The following CD109 variants were observed in gnomAD, a reference collection of about 807,000 sequenced individuals.
The protein encoded by CD109 is CD109 antigen.
CD109 carries 149 observed loss-of-function variants against 165.8 expected under a neutral mutation model. The observed-to-expected ratio is 0.90, with a 90% CI of 0.79 to 1.03. The LOEUF is 1.03. CD109 is among the 50% of genes least tolerant of loss of function. The pLI, the probability that CD109 is intolerant of heterozygous loss-of-function variation, is 0.00. For synonymous variants in CD109, 585 were observed against 592.1 expected, an observed-to-expected ratio of 0.99 and a Z score of 0.18; for missense variants, 1,712 against 1,677.8, an observed-to-expected ratio of 1.02 and a Z score of -0.36.
chr6:73,782,774 C>A lies in CD109; in HGVS notation c.2105+19C>A. 6.2e-7 allele frequency: 1 copy of A among 1,611,158 alleles called. No individual in the cohort carries two copies. Among genetic ancestry groups the A allele is most frequent in the Non-Finnish European group, 8.5e-7 (1 of 1,178,204 alleles). ...ACATGGGGTAAAAATTTATAAAGTT[C>A]TTTGCCCATACATATTTTGTTTAGT... On this transcript the variant is annotated intron_variant, in intron 18 of 32. Transcript: ENST00000287097.
At chr6:73,748,697 T>C (rs1473737668) in intron 5 of CD109, among the ~76,000 whole-genome samples, 1 of 152,218 alleles carries the variant, frequency 6.6e-6, no homozygotes, top group East Asian at 1.9e-4. Flanking sequence ...CCTCTATTTA[T>C]TAAACCCACC....
At position 73,730,447 on chromosome 6, in the gene CD109, AGAG is replaced by A; in HGVS notation, c.381_383del (p.Arg128del). 6.2e-7 allele frequency: 1 copy of A among 1,613,782 alleles called. No homozygotes were observed. The highest frequency in any genetic ancestry group is 2.2e-5 in the East Asian group (1 of 44,878). On this transcript the variant is annotated inframe_deletion, in exon 4 of 33. Transcript: ENST00000287097. ...AGTACCCGCTTATCATTTGAGACCA[AGAG>A]AATATCTGTCTTCATTCAAACAGAC...
chr6:73,684,990 C>T, the CD109 span, among the ~76,000 whole-genome samples: 1 of 148,796 alleles, frequency 6.7e-6, no homozygotes, highest in Non-Finnish European at 1.5e-5. Flanking sequence ...GATCTTGGCT[C>T]ACTGCAACCT....
intron 19 of CD109, among the ~76,000 whole-genome samples, chr6:73,784,065 C>A (rs1774602103): frequency 6.6e-6 from 1 of 151,860 alleles, no homozygotes; most frequent in African/African-American, 2.4e-5. Flanking sequence ...TATTATTGAC[C>A]TGAACTAACC....
intron 17 of CD109, among the ~76,000 whole-genome samples, chr6:73,781,948 C>T (rs547939873): frequency 2.0e-5 from 3 of 152,024 alleles, no homozygotes; most frequent in Admixed American, 6.6e-5. Flanking sequence ...TTTAGAAAGA[C>T]GTCATAAAAT....
chr6:73,748,269 C>T (rs1403205750), intron 5 of CD109, among the ~76,000 whole-genome samples: 2 of 152,132 alleles, frequency 1.3e-5, no homozygotes, highest in Admixed American at 1.3e-4. Context: ...CAATTATCTA[C>T]ACAGCAGTAA....
At chr6:73,753,638 G>A (rs1773278710) in intron 5 of CD109, among the ~76,000 whole-genome samples, 1 of 152,194 alleles carries the variant, frequency 6.6e-6, no homozygotes, top group Non-Finnish European at 1.5e-5. Context: ...AATTTAAAAT[G>A]TCAGTGAAAA....
chr6:73,808,306 A>G (rs972551585), intron 26 of CD109, 58 bp downstream of exon 26: 19 of 1,537,526 alleles, frequency 1.2e-5, no homozygotes, highest in Non-Finnish European at 1.7e-5. Flanking sequence ...AACTTACATG[A>G]GAAAAATTTT....
rs577470557 is a variant in CD109 at position 73,771,525 on chromosome 6, G to C, written c.1771G>C (p.Ala591Pro). The C allele has an allele frequency of 1.2e-6, 2 of 1,610,120 alleles. No individual in the cohort carries two copies. Among genetic ancestry groups the C allele is most frequent in the African/African-American group, 2.7e-5 (2 of 74,846 alleles). The part of the protein sequence containing the change: ...TQPDSIVGIV[A>P]VDKSVNLMNA... ...GCCTGACTCCATAGTTGGGATTGTA[G>C]CTGTTGACAAAAGTGTGAATCTGAT... is the stretch of plus-strand genomic sequence containing the variant. The change falls in exon 15 of 33, where the codon GCT becomes CCT. Residue 591 changes from alanine to proline, a missense_variant. Ala to Pro is a conservative substitution (Grantham distance 27). Transcript: ENST00000287097.
chr6:73,782,643 A>G lies in CD109; in HGVS notation c.1993A>G (p.Met665Val). The change falls in exon 18 of 33, where the codon ATG becomes GTG. Residue 665 changes from methionine (M) to valine (V), a missense_variant. By Grantham distance (21) the Met-to-Val change is conservative. Transcript: ENST00000287097. ...CAATGCAGAATATGCTGAGAGGTTT[A>G]TGGAGGAAAATGAAGGACATATTGT... ...YDNAEYAERF[M>V]EENEGHIVDI... The G allele has an allele frequency of 6.2e-7, 1 of 1,613,798 alleles. No individual in the cohort carries two copies. Among genetic ancestry groups the G allele is most frequent in the South Asian group, 1.1e-5 (1 of 91,048 alleles).
At chr6:73,814,884 C>A (rs1775881054) in intron 29 of CD109, 97 bp from the exon 30 acceptor site, 1 of 728,488 alleles carries the variant, frequency 1.4e-6, no homozygotes, top group Non-Finnish European at 2.0e-6. Context: ...CTTACTGGGT[C>A]CATCCAAAGA....
At chr6:73,725,064 C>T (rs192881666) in intron 3 of CD109, among the ~76,000 whole-genome samples, 62 of 151,994 alleles carry the variant, frequency 4.1e-4, no homozygotes, top group African/African-American at 1.4e-3. Flanking sequence ...ACTTTCTTTC[C>T]TAAGAAATAT....
At chr6:73,706,439 T>C (rs1248519861) in intron 2 of CD109, among the ~76,000 whole-genome samples, 2 of 152,156 alleles carry the variant, frequency 1.3e-5, no homozygotes, top group Non-Finnish European at 2.9e-5. Context: ...CAGTTGAAGC[T>C]CGAGAGGACT....
At chr6:73,710,523 T>G (rs1771488485) in intron 2 of CD109, among the ~76,000 whole-genome samples, 1 of 152,100 alleles carries the variant, frequency 6.6e-6, no homozygotes, top group Non-Finnish European at 1.5e-5. Context: ...CTGCCCAATT[T>G]TTTCTATTTT....
upstream of CD109, among the ~76,000 whole-genome samples, chr6:73,691,973 A>G (rs1190084192): frequency 1.3e-5 from 2 of 152,186 alleles, no homozygotes; most frequent in African/African-American, 2.4e-5. Flanking sequence ...TAACATTGCC[A>G]AAGTATGGCA....
Position 73,803,383 on chromosome 6 carries a change from A to G in CD109, c.2960+82A>G, listed in dbSNP as rs1366200286. ...CACAATAGCCACGAAATTGACAGAT[A>G]TATCTCTATATATTATAGACTGGGA... is the stretch of plus-strand genomic sequence containing the variant. On this transcript the variant is annotated intron_variant, in intron 24 of 32. Coordinates refer to ENST00000287097, the MANE Select transcript of CD109 (RefSeq NM_133493.5). 2.1e-5 allele frequency: 19 copies of G among 918,940 alleles called. No individual in the cohort carries two copies. The East Asian group carries it at 4.8e-4, about 23-fold the overall frequency. 56.9% of individuals were successfully genotyped at this position (918,940 alleles called of 1,614,324 possible).
At chr6:73,688,670 A>T in the CD109 span, among the ~76,000 whole-genome samples, 2 of 151,076 alleles carry the variant, frequency 1.3e-5, no homozygotes, top group Non-Finnish European at 3.0e-5. Context: ...TGGAGAGGGG[A>T]GAAGGGCTGG....
intron 20 of CD109, 78 bp from the exon 21 acceptor site, chr6:73,787,156 A>C: frequency 1.2e-6 from 1 of 855,336 alleles, no homozygotes; most frequent in Non-Finnish European, 1.8e-6. Flanking sequence ...ATTTGACAGT[A>C]CTTAAACTGG....
In CD109 at chr6:73,824,818, CTCTTT is replaced by C. The variant is rs2150316515; in HGVS notation, c.*1191_*1195del. 6.6e-6 allele frequency: 1 copy of C among 152,214 alleles called. No homozygotes were observed. Among genetic ancestry groups the C allele is most frequent in the South Asian group, 2.1e-4 (1 of 4,818 alleles). 9.4% of individuals were successfully genotyped at this position (152,214 alleles called of 1,614,324 possible). Reference sequence around the variant, plus strand: ...GAATCCCCCTTTTTTCTTTTCTTCTCTCTTTTCTTTCCTTCTCCCTTTCTTCTTTG... The same window carrying C: ...GAATCCCCCTTTTTTCTTTTCTTCTCTCTTTCCTTCTCCCTTTCTTCTTTG... On this transcript the variant is annotated 3_prime_UTR_variant, in exon 33 of 33. Coordinates refer to ENST00000287097, the MANE Select transcript of CD109 (RefSeq NM_133493.5).
Sources: allele counts gnomAD v4.1 joint callset (sites outside exome capture counted in the v4.1 genomes callset), GRCh38; gene constraint gnomAD v4.1.1; transcripts MANE v1.5; gene names NCBI Gene and HGNC (gene_info 2026-07-23, HGNC 2026-07-21).